PTPRN: variants seen among roughly 807,000 people sequenced by gnomAD.
The protein encoded by PTPRN is receptor-type tyrosine-protein phosphatase-like N.
A neutral mutation model predicts 108.5 loss-of-function variants in PTPRN; 70 were observed. That is an observed-to-expected ratio of 0.65 (90% CI 0.53 to 0.79). The LOEUF (loss-of-function observed/expected upper bound fraction) is 0.79, where lower values mean the gene tolerates loss of function less well. Ranked by LOEUF, PTPRN falls within the 30% of genes least tolerant of loss-of-function variation. The probability of loss-of-function intolerance (pLI) is 0.00; values close to 1 mark genes in which losing one functional copy is unlikely to be tolerated. For synonymous variants in PTPRN, 496 were observed against 524.6 expected, an observed-to-expected ratio of 0.95 and a Z score of 0.75; for missense variants, 1,136 against 1,295.5, an observed-to-expected ratio of 0.88 and a Z score of 1.89.
chr2:219,305,273 C>T lies in PTPRN; in HGVS notation c.281-1442G>A, dbSNP rs1414948853. Among the ~76,000 whole-genome samples, 8 of 149,466 alleles carry T rather than the reference C, an allele frequency of 5.4e-5. No individual in the cohort carries two copies. In the South Asian group the frequency reaches 6.3e-4, roughly 12 times the overall value. ...TTTTTTTTTTTTTGAGATGGAGTCT[C>T]GCTCTATCACCCAGGCTGGAGTGCA... On this transcript the variant is annotated intron_variant, in intron 3 of 22. Transcript: ENST00000295718.
intron 10 of PTPRN, 27 bp from the exon 11 acceptor site, chr2:219,299,411 C>T (rs1210920537): frequency 6.2e-7 from 1 of 1,607,456 alleles, no homozygotes; most frequent in Admixed American, 1.7e-5. Flanking sequence ...ATGTTACTGC[C>T]TTCTCCACCC....
At chr2:219,306,858 AC>A (rs1346519928) in intron 3 of PTPRN, among the ~76,000 whole-genome samples, 1 of 152,080 alleles carries the variant, frequency 6.6e-6, no homozygotes, top group Non-Finnish European at 1.5e-5. Flanking sequence ...CACCTTAACC[AC>A]CTGATTTCCT....
chr2:219,294,382 G>A (rs745798380), intron 19 of PTPRN, among the ~76,000 whole-genome samples: 1 of 151,670 alleles, frequency 6.6e-6, no homozygotes, highest in Non-Finnish European at 1.5e-5. Context: ...GGGAGAAATG[G>A]AGAGAGAGGG....
In PTPRN at chr2:219,289,921, A is replaced by ACT. The variant is rs148769551; in HGVS notation, c.*304_*305insAG. On this transcript the variant is annotated 3_prime_UTR_variant, in exon 23 of 23. Coordinates refer to ENST00000295718, the MANE Select transcript of PTPRN (RefSeq NM_002846.4). The stretch of plus-strand genomic sequence containing the variant: ...GAACTCCCAGAACCCCAGGAGAGCT[A>ACT]CAGGAGAGCCAGGCCAGGGAATGTA... The ACT allele has an allele frequency of 5.4e-6, 2 of 367,618 alleles. No individual in the cohort carries two copies. Among genetic ancestry groups the ACT allele is most frequent in the South Asian group, 6.4e-5 (2 of 31,114 alleles). 22.8% of individuals were successfully genotyped at this position (367,618 alleles called of 1,614,324 possible).
chr2:219,295,239 C>A, intron 18 of PTPRN, 98 bp from the exon 19 acceptor site: 1 of 1,378,566 alleles, frequency 7.3e-7, no homozygotes, highest in East Asian at 2.6e-5. Context: ...CCAACCACCG[C>A]CCGGCCTCCC....
chr2:219,297,447 A>T lies in PTPRN; in HGVS notation c.1888-14T>A. On this transcript the variant is annotated splice_polypyrimidine_tract_variant and intron_variant, in intron 13 of 22. Transcript: ENST00000295718. The surrounding 1 kb of genome is among the most constrained non-coding windows in gnomAD (Gnocchi z 6.0). ...GCGGCACAGGTCCTGTGGAGGAAGAATCAGGTGAGGTCCAAGAGTCCCCTG... is the reference window on the plus strand; with the variant it reads ...GCGGCACAGGTCCTGTGGAGGAAGATTCAGGTGAGGTCCAAGAGTCCCCTG... 6.2e-7 allele frequency: 1 copy of T among 1,613,726 alleles called. No homozygotes were observed. Among genetic ancestry groups the T allele is most frequent in the Non-Finnish European group, 8.5e-7 (1 of 1,179,792 alleles).
Position 219,296,009 on chromosome 2 carries a change from TG to T in PTPRN, c.2508+216del, listed in dbSNP as rs919331663. 1.9e-4 allele frequency: 119 copies of T among 622,870 alleles called. No individual in the cohort carries two copies. The highest frequency in any genetic ancestry group is 2.8e-4 in the Non-Finnish European group (104 of 370,246). The allele number at this position is 622,870 out of a possible 1,614,324, so 38.6% of individuals were successfully genotyped here. ...ACACACACACACACACACACATGTA[TG>T]TTCTGTAAACAGGACACACACATGT... On this transcript the variant is annotated intron_variant, in intron 18 of 22. Transcript: ENST00000295718. This position sits in a 1 kb window ranked among gnomAD's most constrained non-coding sequence, Gnocchi z 6.0.
At position 219,296,243 on chromosome 2, in the gene PTPRN, G is replaced by A; in HGVS notation, c.2491C>T (p.Leu831Phe). The A allele has an allele frequency of 1.9e-6, 3 of 1,614,144 alleles. No individual in the cohort carries two copies. Among genetic ancestry groups the A allele is most frequent in the Non-Finnish European group, 2.5e-6 (3 of 1,180,026 alleles). ...CTGCTGACCTCATATACGTGGTAGA[G>A]GGAGGCACCCTCATCTGGCCAGTAG... ...DRYWPDEGAS[L>F]YHVYEVNLVS... The change falls in exon 18 of 23, where the codon CTC becomes TTC. Residue 831 changes from leucine (L) to phenylalanine (F), a missense_variant. By Grantham distance (22) the Leu-to-Phe change is conservative. Transcript: ENST00000295718. This position sits in a 1 kb window ranked among gnomAD's most constrained non-coding sequence, Gnocchi z 6.0.
rs574426705 is a variant in PTPRN, at chr2:219,296,573, C to T, written c.2311-57G>A. The T allele has an allele frequency of 1.4e-5, 22 of 1,603,804 alleles. No homozygotes were observed. The highest frequency in any genetic ancestry group is 2.2e-5 in the East Asian group (1 of 44,832). ...TGTGGGAAATGCCACTATGGACAGGCGTGGTCAGAGCAAGTGGGTCAGGGT... is the reference window on the plus strand; with the variant it reads ...TGTGGGAAATGCCACTATGGACAGGTGTGGTCAGAGCAAGTGGGTCAGGGT... On this transcript the variant is annotated intron_variant, in intron 16 of 22. Coordinates refer to ENST00000295718, the MANE Select transcript of PTPRN (RefSeq NM_002846.4). This position sits in a 1 kb window ranked among gnomAD's most constrained non-coding sequence, Gnocchi z 6.0.
chr2:219,301,284 C>A (rs891670308), intron 7 of PTPRN, among the ~76,000 whole-genome samples: 1 of 151,734 alleles, frequency 6.6e-6, no homozygotes, highest in Admixed American at 6.6e-5. Flanking sequence ...TGGCTATGCC[C>A]GTTTTTAGGC....
chr2:219,296,744 C>T lies in PTPRN; in HGVS notation c.2310+5G>A. 1.9e-6 allele frequency: 3 copies of T among 1,613,818 alleles called. No individual in the cohort carries two copies. Among genetic ancestry groups the T allele is most frequent in the Non-Finnish European group, 2.5e-6 (3 of 1,179,894 alleles). On this transcript the variant is annotated splice_donor_5th_base_variant and intron_variant, in intron 16 of 22. Transcript: ENST00000295718. The surrounding 1 kb of genome is among the most constrained non-coding windows in gnomAD (Gnocchi z 6.0). ...GAGGTGGGGGCTGGAGTCAGGGCCA[C>T]TCACAATGGGGCTGGCGTTGATGTA...
Position 219,296,523 on chromosome 2 carries a change from G to A in PTPRN, c.2311-7C>T. The A allele has an allele frequency of 6.2e-7, 1 of 1,613,912 alleles. No individual in the cohort carries two copies. Among genetic ancestry groups the A allele is most frequent in the Non-Finnish European group, 8.5e-7 (1 of 1,179,982 alleles). On this transcript the variant is annotated splice_polypyrimidine_tract_variant and splice_region_variant and intron_variant, in intron 16 of 22. Coordinates refer to ENST00000295718, the MANE Select transcript of PTPRN (RefSeq NM_002846.4). The surrounding 1 kb of genome is among the most constrained non-coding windows in gnomAD (Gnocchi z 6.0). ...TCCGAGGGTCATGCTCAATCTGGAG[G>A]CAGGGAAGATACACCATGAGCCAGT...
At position 219,290,997 on chromosome 2, in the gene PTPRN, G is replaced by C. The variant is rs1032935746; in HGVS notation, c.2730-107C>G. The C allele has an allele frequency of 9.0e-7, 1 of 1,107,178 alleles. No individual in the cohort carries two copies. Among genetic ancestry groups the C allele is most frequent in the African/African-American group, 1.5e-5 (1 of 64,984 alleles). 68.6% of individuals were successfully genotyped at this position (1,107,178 alleles called of 1,614,324 possible). ...CCTGGGGGAGGGGAGGACACTGGGT[G>C]ACCCGTTGGGGTTGGCTTGGAGAGG... is the stretch of plus-strand genomic sequence containing the variant. On this transcript the variant is annotated intron_variant, in intron 20 of 22. Coordinates refer to ENST00000295718, the MANE Select transcript of PTPRN (RefSeq NM_002846.4). This position sits in a 1 kb window ranked among gnomAD's most constrained non-coding sequence, Gnocchi z 4.2.
chr2:219,307,839 C>A lies in PTPRN; in HGVS notation c.119G>T (p.Cys40Phe). 6.2e-7 allele frequency: 1 copy of A among 1,614,146 alleles called. No individual in the cohort carries two copies. The change falls in exon 2 of 23, where the codon TGT becomes TTT. Residue 40 changes from cysteine to phenylalanine, a missense_variant. By Grantham distance (205) the Cys-to-Phe change is radical. Transcript: ENST00000295718. The stretch of plus-strand genomic sequence containing the variant: ...AGAGCAGAGCCTGCGGTCAAATAGA[C>A]AGCCTGTAGAGGAAAAGGTGAGCAG... Reference protein sequence around the residue: ...GGCSAVSAHGCLFDRRLCSHL... With the variant: ...GGCSAVSAHGFLFDRRLCSHL...
intron 19 of PTPRN, among the ~76,000 whole-genome samples, chr2:219,293,631 G>A (rs571647783): frequency 6.6e-6 from 1 of 152,242 alleles, no homozygotes; most frequent in Non-Finnish European, 1.5e-5. Context: ...TTTTAAATAT[G>A]GAAAAAAGGA....
At position 219,290,406 on chromosome 2, in the gene PTPRN, G is replaced by T; in HGVS notation, c.2869-109C>A. ...GGGCCCTGGGCAGGTCCCCTGGGAG[G>T]AAGGGAGCCCTCCTGGAGGAGGCGC... On this transcript the variant is annotated intron_variant, in intron 22 of 22. Coordinates refer to ENST00000295718, the MANE Select transcript of PTPRN (RefSeq NM_002846.4). This position sits in a 1 kb window ranked among gnomAD's most constrained non-coding sequence, Gnocchi z 4.2. 2 of 1,400,870 alleles carry T rather than the reference G, an allele frequency of 1.4e-6. No individual in the cohort carries two copies. Among genetic ancestry groups the T allele is most frequent in the Non-Finnish European group, 2.0e-6 (2 of 1,009,142 alleles). The allele number at this position is 1,400,870 out of a possible 1,614,324, so 86.8% of individuals were successfully genotyped here.
In PTPRN at chr2:219,289,799, CA is replaced by C; in HGVS notation, c.*426del. The C allele has an allele frequency of 5.7e-6, 1 of 174,838 alleles. No homozygotes were observed. Among genetic ancestry groups the C allele is most frequent in the Admixed American group, 5.6e-5 (1 of 17,726 alleles). 10.8% of individuals were successfully genotyped at this position (174,838 alleles called of 1,614,324 possible). A position where few individuals can be genotyped will look rare whatever the true frequency, so the allele number is the denominator to read the frequency against. ...AGAGCGCCCAAGTGTGAGTCAGAGG[CA>C]GGCCCGGGGCTGAGAAGCAGGGGGA... On this transcript the variant is annotated 3_prime_UTR_variant, in exon 23 of 23. Transcript: ENST00000295718.
In PTPRN at chr2:219,289,757, G is replaced by GT; in HGVS notation, c.*468dup. The GT allele has an allele frequency of 6.1e-6, 1 of 164,482 alleles. No individual in the cohort carries two copies. The allele number at this position is 164,482 out of a possible 1,614,324, so 10.2% of individuals were successfully genotyped here. On this transcript the variant is annotated 3_prime_UTR_variant, in exon 23 of 23. Coordinates refer to ENST00000295718, the MANE Select transcript of PTPRN (RefSeq NM_002846.4). ...GGAGGGTGGTGGGAGGAGGCTGGGC[G>GT]TGAGGCCAGGGAGGGCAGAGCGCCC...
rs1330667771 is a variant in PTPRN at position 219,296,826 on chromosome 2, C to T, written c.2237-4G>A. 13 of 1,614,052 alleles carry T rather than the reference C, an allele frequency of 8.1e-6. No homozygotes were observed. In the Middle Eastern group the frequency reaches 1.3e-3, roughly 164 times the overall value. Reference sequence around the variant, plus strand: ...AGTTTTATGCGGGCATGGTCATCTGCACAGACCCGACACCCCACCCCAGAT... The same window carrying T: ...AGTTTTATGCGGGCATGGTCATCTGTACAGACCCGACACCCCACCCCAGAT... On this transcript the variant is annotated splice_region_variant and splice_polypyrimidine_tract_variant and intron_variant, in intron 15 of 22. Transcript: ENST00000295718. The surrounding 1 kb of genome is among the most constrained non-coding windows in gnomAD (Gnocchi z 6.0).
Sources: allele counts gnomAD v4.1 joint callset (sites outside exome capture counted in the v4.1 genomes callset), GRCh38; gene constraint gnomAD v4.1.1; non-coding constraint Gnocchi (gnomAD v3.1); transcripts MANE v1.5; gene names NCBI Gene and HGNC (gene_info 2026-07-23, HGNC 2026-07-21).